MYO19: variants seen among roughly 807,000 people sequenced by gnomAD.
The protein encoded by MYO19 is myosin XIX.
In MYO19, 132 loss-of-function variants were observed where a neutral mutation model predicts 129.2. The ratio of observed to expected loss-of-function variants is 1.02; its 90% CI spans 0.89 to 1.18. MYO19 has a LOEUF of 1.18. MYO19 is among the 50% of genes most tolerant of loss of function. The pLI, the probability that MYO19 is intolerant of heterozygous loss-of-function variation, is 0.00. For synonymous variants in MYO19, 531 were observed against 477.2 expected, an observed-to-expected ratio of 1.11 and a Z score of -1.47; for missense variants, 1,210 against 1,216.7, an observed-to-expected ratio of 0.99 and a Z score of 0.08.
upstream of MYO19, chr17:36,535,159 C>T (rs937582270): frequency 1.1e-4 from 16 of 152,230 alleles, no homozygotes; most frequent in African/African-American, 3.9e-4. Context: ...TCGGGCGACA[C>T]CAGGACTGGG....
At position 36,505,405 on chromosome 17, in the gene MYO19, C is replaced by T; in HGVS notation, c.1798-1G>A. ...CCTGCAGAAGCTGCTCCAGTGAGGC[C>T]TGCAGATGAGAGACCATGGGGTTAG... On this transcript the variant is annotated splice_acceptor_variant, in intron 18 of 25. Coordinates refer to ENST00000614623, the MANE Select transcript of MYO19 (RefSeq NM_001163735.2). LOFTEE classifies it high-confidence loss of function. The T allele has an allele frequency of 6.2e-7, 1 of 1,613,498 alleles. No individual in the cohort carries two copies.
At chr17:36,509,395 C>A in intron 13 of MYO19, 1 of 549,638 alleles carries the variant, frequency 1.8e-6, no homozygotes, top group Non-Finnish European at 3.3e-6. Context: ...AGGACAAGCT[C>A]AGCTCCTAGG....
intron 14 of MYO19, 114 bp from the exon 15 acceptor site, chr17:36,508,038 G>C (rs1295332737): frequency 8.5e-7 from 1 of 1,178,838 alleles, no homozygotes; most frequent in East Asian, 2.6e-5. Context: ...TGGCAGCCTG[G>C]GCATCAGGCT....
chr17:36,541,046 T>G (rs2074195156), intron 2 of MYO19, among the ~76,000 whole-genome samples: 1 of 152,004 alleles, frequency 6.6e-6, no homozygotes, highest in Non-Finnish European at 1.5e-5. Context: ...TAGAGTGCAG[T>G]GGCACGATCT....
intron 4 of MYO19, 146 bp from the exon 5 acceptor site, chr17:36,527,845 G>T: frequency 1.8e-6 from 2 of 1,125,024 alleles, no homozygotes; most frequent in South Asian, 1.6e-5. Context: ...AAAGATACAA[G>T]ATCTAATTAA....
rs993691951 is a variant in MYO19, at chr17:36,495,889, A to C, written c.*362T>G. 5 of 1,233,042 alleles carry C rather than the reference A, an allele frequency of 4.1e-6. No homozygotes were observed. The African/African-American group carries it at 7.8e-5, about 19-fold the overall frequency. 76.4% of individuals were successfully genotyped at this position (1,233,042 alleles called of 1,614,324 possible). A position where few individuals can be genotyped will look rare whatever the true frequency, so the allele number is the denominator to read the frequency against. On this transcript the variant is annotated 3_prime_UTR_variant, in exon 26 of 26. Coordinates refer to ENST00000614623, the MANE Select transcript of MYO19 (RefSeq NM_001163735.2). ...CAGCCCAAATTCCAGCGCCAATTTT[A>C]GGCCAACTTTGGCTGTTTTCTTCCA...
Position 36,507,065 on chromosome 17 carries a change from G to A in MYO19, c.1542C>T (p.Pro514=). Residue 514 remains proline, a synonymous_variant, in exon 17 of 26, where the codon CCC becomes CCT. Transcript: ENST00000614623. The stretch of plus-strand genomic sequence containing the variant: ...GGCTGAGCTTATTGTGGCCCAGGCA[G>A]GGGCTGCCTGCCAGGGCAGTCTCAA... The part of the protein sequence containing the change: ...TRIETALAGS[P]CLGHNKLSRE... The A allele has an allele frequency of 6.2e-7, 1 of 1,613,684 alleles. No homozygotes were observed.
At chr17:36,522,459 G>A (rs181989408) in intron 6 of MYO19, among the ~76,000 whole-genome samples, 31 of 150,980 alleles carry the variant, frequency 2.1e-4, no homozygotes, top group Admixed American at 9.9e-4. Context: ...GCAGTGAGCC[G>A]AGATCACACC....
Position 36,525,254 on chromosome 17 carries a change from C to T in MYO19, c.388G>A (p.Val130Ile), listed in dbSNP as rs543691074. ...TTTCCAGCACCACTCTCTCCACTGA[C>T]AACAATAGACTGGTTGACTGGTTCA... Reference protein sequence around the residue: ...LIEPVNQSIVVSGESGAGKTW... With the variant: ...LIEPVNQSIVISGESGAGKTW... Residue 130 changes from valine to isoleucine, a missense_variant, in exon 6 of 26, where the codon GTC becomes ATC. Val to Ile is a conservative substitution (Grantham distance 29, BLOSUM62 3). Transcript: ENST00000614623. 1 of 1,613,810 alleles carries T rather than the reference C, an allele frequency of 6.2e-7. No individual in the cohort carries two copies. The highest frequency in any genetic ancestry group is 8.5e-7 in the Non-Finnish European group (1 of 1,179,782).
Position 36,495,643 on chromosome 17 carries a change from T to A in MYO19, c.*608A>T. On this transcript the variant is annotated 3_prime_UTR_variant, in exon 26 of 26. Transcript: ENST00000614623. ...AACTTGACATTCAGATGATTGTTTT[T>A]AAATGTTTTACTTTTGGTACAGTTG... 1 of 1,289,354 alleles carries A rather than the reference T, an allele frequency of 7.8e-7. No individual in the cohort carries two copies. Among genetic ancestry groups the A allele is most frequent in the Non-Finnish European group, 9.8e-7 (1 of 1,021,936 alleles). 79.9% of individuals were successfully genotyped at this position (1,289,354 alleles called of 1,614,324 possible).
At chr17:36,529,194 C>T (rs2073676873) in intron 3 of MYO19, among the ~76,000 whole-genome samples, 1 of 151,682 alleles carries the variant, frequency 6.6e-6, no homozygotes, top group Non-Finnish European at 1.5e-5. Context: ...GAGTCTTGCT[C>T]TGCTACCCAG....
chr17:36,511,552 A>G (rs1347263473), intron 11 of MYO19, 97 bp from the exon 12 acceptor site: 3 of 1,087,008 alleles, frequency 2.8e-6, no homozygotes, highest in Non-Finnish European at 4.1e-6. Flanking sequence ...CGACAGCAGA[A>G]GGGCAGCTCC....
chr17:36,507,529 G>A lies in MYO19; in HGVS notation c.1354-17C>T, dbSNP rs1373950891. 1 of 1,609,820 alleles carries A rather than the reference G, an allele frequency of 6.2e-7. No individual in the cohort carries two copies. The highest frequency in any genetic ancestry group is 8.5e-7 in the Non-Finnish European group (1 of 1,177,668). On this transcript the variant is annotated splice_polypyrimidine_tract_variant and intron_variant, in intron 15 of 25. Coordinates refer to ENST00000614623, the MANE Select transcript of MYO19 (RefSeq NM_001163735.2). ...GTATTCCTCCTAAAGAACAAGGTGG[G>A]ATGAGGTGGGAGAAGGCAGCTGTGG...
intron 21 of MYO19, chr17:36,501,444 G>C: frequency 1.9e-6 from 1 of 525,878 alleles, no homozygotes; most frequent in Non-Finnish European, 3.3e-6. Context: ...GTGGAGCCTT[G>C]GAATACCCAC....
chr17:36,542,963 G>A (rs999146039), intron 1 of MYO19, among the ~76,000 whole-genome samples: 1 of 151,066 alleles, frequency 6.6e-6, no homozygotes. Context: ...TGACCCGCCC[G>A]CCTTGGCCTC....
At chr17:36,528,409 G>C (rs1310744544) in intron 3 of MYO19, among the ~76,000 whole-genome samples, 1 of 152,078 alleles carries the variant, frequency 6.6e-6, no homozygotes, top group Non-Finnish European at 1.5e-5. Context: ...TACTCGGAAG[G>C]CTGAGGCAGG....
intron 2 of MYO19, among the ~76,000 whole-genome samples, 186 bp downstream of exon 2, chr17:36,533,767 A>G (rs1465661684): frequency 6.6e-6 from 1 of 152,172 alleles, no homozygotes; most frequent in Non-Finnish European, 1.5e-5. Flanking sequence ...AGCTCTTTCA[A>G]CTGGGAACTC....
Position 36,530,451 on chromosome 17 carries a change from CTTTTTTTTT to C in MYO19, c.12+2067_12+2075del, listed in dbSNP as rs11292870. On this transcript the variant is annotated intron_variant, in intron 3 of 25. Coordinates refer to ENST00000614623, the MANE Select transcript of MYO19 (RefSeq NM_001163735.2). ...TTAGCTATTCTTCTTCTAAAAGTGG[CTTTTTTTTT>C]TTTTTTTTTTTTTTGAGACGGAGTT... Among the ~76,000 whole-genome samples the C allele has an allele frequency of 7.2e-4, 68 of 94,860 alleles. 1 individual carries two copies. In the South Asian group the frequency reaches 0.025, roughly 35 times the overall value. The allele number at this position is 94,860 out of a possible 152,430, so 62.2% of individuals were successfully genotyped here.
At chr17:36,537,558 C>T (rs752870181), upstream of MYO19, 7 of 1,613,974 alleles carry the variant, frequency 4.3e-6, no homozygotes, top group East Asian at 1.6e-4. Flanking sequence ...CCCACTTTTT[C>T]CCAGAAGATT....
Sources: gnomAD v4.1 joint callset for allele counts (sites outside exome capture counted in the v4.1 genomes callset) on GRCh38, gnomAD v4.1.1 for gene constraint, MANE v1.5 for transcripts, NCBI Gene and HGNC (gene_info 2026-07-23, HGNC 2026-07-21) for gene names.